Variants in FMNL2 observed in about 807,000 individuals in gnomAD.
FMNL2 encodes formin-like protein 2.
Under a neutral mutation model 130.2 loss-of-function variants are expected in FMNL2, and 51 were observed. That is an observed-to-expected ratio of 0.39 (90% confidence interval 0.31 to 0.49). The LOEUF is 0.49. FMNL2 is among the 20% of genes least tolerant of loss of function. FMNL2 has a pLI of 0.85. For missense variants in FMNL2, 977 were observed against 1,316.2 expected, an observed-to-expected ratio of 0.74 and a Z score of 3.99; for synonymous variants, 465 against 467.1, an observed-to-expected ratio of 1.00 and a Z score of 0.06.
At chr2:152,578,614 G>A (rs1267248099) in intron 7 of FMNL2, 1 of 178,568 alleles carries the variant, frequency 5.6e-6, no homozygotes, top group African/African-American at 2.6e-5. Flanking sequence ...TTTGAGAGAT[G>A]TGGGTCTTGT....
At chr2:152,545,832 A>T (rs1694602952) in intron 3 of FMNL2, among the ~76,000 whole-genome samples, 1 of 152,192 alleles carries the variant, frequency 6.6e-6, no homozygotes, top group Admixed American at 6.5e-5. Context: ...ATATTAGAGA[A>T]GTGGACTCCA....
intron 1 of FMNL2, chr2:152,390,523 G>A: frequency 1.3e-6 from 2 of 1,547,450 alleles, no homozygotes; most frequent in Non-Finnish European, 8.9e-7. Flanking sequence ...TATGACCAGA[G>A]ACAGAAGTCC....
At chr2:152,628,027 G>T (rs1485191867) in intron 17 of FMNL2, among the ~76,000 whole-genome samples, 1 of 152,196 alleles carries the variant, frequency 6.6e-6, no homozygotes, top group African/African-American at 2.4e-5. Flanking sequence ...GAGGCTTAGA[G>T]CTATGCCAGT....
At chr2:152,386,073 C>G (rs1217032810) in intron 1 of FMNL2, among the ~76,000 whole-genome samples, 1 of 152,148 alleles carries the variant, frequency 6.6e-6, no homozygotes, top group African/African-American at 2.4e-5. Context: ...ATAAGAGTAT[C>G]AGGAAAGGTT....
rs113697653 is a variant in FMNL2 at position 152,444,002 on chromosome 2, C to A, written c.118-77941C>A. On this transcript the variant is annotated intron_variant, in intron 1 of 25. Transcript: ENST00000288670. ...CTGACTCAGCCTGCTTTGGGCCAGG[C>A]TCTACGCTAGACACTGAGGGTTCAA... is the stretch of plus-strand genomic sequence containing the variant. Among the ~76,000 whole-genome samples the A allele has an allele frequency of 2.5e-3, 380 of 152,282 alleles. 1 individual carries two copies. The highest frequency in any genetic ancestry group is 8.7e-3 in the African/African-American group (361 of 41,566).
chr2:152,478,249 T>TG (rs1558896745), intron 1 of FMNL2, among the ~76,000 whole-genome samples: 1 of 58,198 alleles, frequency 1.7e-5, no homozygotes, highest in African/African-American at 6.9e-5. Context: ...TATATATATA[T>TG]ATTTTTTTTT....
At chr2:152,426,687 T>C (rs1687220568) in intron 1 of FMNL2, among the ~76,000 whole-genome samples, 1 of 152,136 alleles carries the variant, frequency 6.6e-6, no homozygotes, top group Admixed American at 6.5e-5. Flanking sequence ...TGAGATTTTT[T>C]TTTTTTTGAG....
At chr2:152,581,962 C>T (rs1696812439) in intron 9 of FMNL2, among the ~76,000 whole-genome samples, 1 of 152,208 alleles carries the variant, frequency 6.6e-6, no homozygotes, top group African/African-American at 2.4e-5. Flanking sequence ...AGGTTCTGAA[C>T]TAGAAACTCT....
intron 1 of FMNL2, among the ~76,000 whole-genome samples, chr2:152,338,832 C>CACACACACACACACAT (rs1553862391): frequency 3.5e-4 from 51 of 145,366 alleles, no homozygotes; most frequent in South Asian, 1.4e-3. Flanking sequence ...CACACACACA[C>CACACACACACACACAT]ACACACACAC....
intron 6 of FMNL2, among the ~76,000 whole-genome samples, chr2:152,565,301 G>A (rs998972818): frequency 1.1e-4 from 17 of 152,138 alleles, no homozygotes; most frequent in African/African-American, 4.1e-4. Context: ...TGGACTTTAG[G>A]CAATGTCCAG....
chr2:152,410,141 G>A (rs532917811), intron 1 of FMNL2, among the ~76,000 whole-genome samples: 1 of 152,278 alleles, frequency 6.6e-6, no homozygotes, highest in Admixed American at 6.5e-5. Context: ...TCATCTTTCA[G>A]CCTTCAGAAA....
chr2:152,483,361 G>A (rs1579777604), intron 1 of FMNL2, among the ~76,000 whole-genome samples: 3 of 151,654 alleles, frequency 2.0e-5, no homozygotes, highest in East Asian at 3.9e-4. Context: ...TCCATAACCA[G>A]AATTACAGAC....
chr2:152,428,946 A>G (rs1687337040), intron 1 of FMNL2, among the ~76,000 whole-genome samples: 1 of 152,132 alleles, frequency 6.6e-6, no homozygotes, highest in Admixed American at 6.6e-5. Flanking sequence ...GTTCTCACTT[A>G]CAAGTGGGAG....
At chr2:152,422,372 G>C (rs551412482) in intron 1 of FMNL2, among the ~76,000 whole-genome samples, 1 of 152,148 alleles carries the variant, frequency 6.6e-6, no homozygotes, top group South Asian at 2.1e-4. Context: ...GGGGGACCAG[G>C]AATAGATTGG....
At chr2:152,483,776 G>A (rs1474867598) in intron 1 of FMNL2, among the ~76,000 whole-genome samples, 1 of 152,250 alleles carries the variant, frequency 6.6e-6, no homozygotes, top group Non-Finnish European at 1.5e-5. Context: ...CTAGACTACT[G>A]TATGAATTGC....
At chr2:152,584,575 G>A (rs1367768104) in intron 9 of FMNL2, among the ~76,000 whole-genome samples, 4 of 152,136 alleles carry the variant, frequency 2.6e-5, no homozygotes, top group Admixed American at 2.6e-4. Flanking sequence ...GCGTACTAAC[G>A]CAATATGGAA....
chr2:152,415,244 T>G (rs531259421), intron 1 of FMNL2, among the ~76,000 whole-genome samples: 1 of 152,056 alleles, frequency 6.6e-6, no homozygotes, highest in Admixed American at 6.6e-5. Context: ...TGGAGGAGTT[T>G]TTGAATCATG....
intron 1 of FMNL2, among the ~76,000 whole-genome samples, chr2:152,339,296 T>A (rs948274410): frequency 4.6e-5 from 7 of 152,240 alleles, no homozygotes; most frequent in African/African-American, 1.7e-4. Context: ...AGCCAAAAGA[T>A]TGGACATCCT....
intron 2 of FMNL2, among the ~76,000 whole-genome samples, chr2:152,538,533 G>C (rs1333205350): frequency 6.6e-6 from 1 of 152,182 alleles, no homozygotes; most frequent in African/African-American, 2.4e-5. Context: ...ACCTGCCTCA[G>C]CCTCCCAAAG....
Sources: allele counts gnomAD v4.1 joint callset (sites outside exome capture counted in the v4.1 genomes callset), GRCh38; gene constraint gnomAD v4.1.1; transcripts MANE v1.5; gene names NCBI Gene and HGNC (gene_info 2026-07-23, HGNC 2026-07-21).